ATP9B: variants seen among roughly 807,000 people sequenced by gnomAD.
The protein encoded by ATP9B is probable phospholipid-transporting ATPase IIB.
In ATP9B, 110 loss-of-function variants were observed where a neutral mutation model predicts 146.1. That is an observed-to-expected ratio of 0.75 (90% confidence interval 0.65 to 0.88). The LOEUF (loss-of-function observed/expected upper bound fraction) is 0.88. Ranked by LOEUF, ATP9B falls within the 40% of genes least tolerant of loss-of-function variation. The pLI is 0.00. For synonymous variants in ATP9B, 604 were observed against 569.7 expected, an observed-to-expected ratio of 1.06 and a Z score of -0.86; for missense variants, 1,499 against 1,496.4, an observed-to-expected ratio of 1.00 and a Z score of -0.03.
intron 6 of ATP9B, among the ~76,000 whole-genome samples, chr18:79,149,815 G>T (rs2094654158): frequency 6.6e-6 from 1 of 152,148 alleles, no homozygotes; most frequent in Non-Finnish European, 1.5e-5. Flanking sequence ...AGGCACAGTG[G>T]CTCACACCTG....
intron 26 of ATP9B, among the ~76,000 whole-genome samples, chr18:79,366,289 G>A (rs1223221820): frequency 6.6e-6 from 1 of 152,222 alleles, no homozygotes; most frequent in Non-Finnish European, 1.5e-5. Context: ...CCCGCTGGAC[G>A]GCACCAGCAT....
intron 17 of ATP9B, among the ~76,000 whole-genome samples, chr18:79,333,953 G>T (rs2096805369): frequency 6.6e-6 from 1 of 152,234 alleles, no homozygotes; most frequent in African/African-American, 2.4e-5. Context: ...ACAACATCTG[G>T]ATGGAGAGTC....
chr18:79,277,954 A>G (rs1003769383), intron 13 of ATP9B, among the ~76,000 whole-genome samples: 8 of 152,262 alleles, frequency 5.3e-5, no homozygotes, highest in Non-Finnish European at 8.8e-5. Context: ...AATCCTCACT[A>G]TAGTCAACAA....
intron 5 of ATP9B, among the ~76,000 whole-genome samples, chr18:79,133,281 G>A (rs2094404206): frequency 1.3e-5 from 2 of 152,258 alleles, no homozygotes; most frequent in South Asian, 2.1e-4. Context: ...TTTCATTCAG[G>A]AACATTCAGT....
intron 19 of ATP9B, among the ~76,000 whole-genome samples, chr18:79,337,754 C>T (rs2096835680): frequency 6.6e-6 from 1 of 152,236 alleles, no homozygotes; most frequent in Admixed American, 6.5e-5. Flanking sequence ...CATGCCATTT[C>T]CCAGGGATGG....
intron 15 of ATP9B, among the ~76,000 whole-genome samples, chr18:79,323,680 C>T (rs1195981810): frequency 6.6e-6 from 1 of 152,150 alleles, no homozygotes; most frequent in African/African-American, 2.4e-5. Context: ...ATTGTGTGTA[C>T]ACCACGTTTT....
rs574571857 is a variant in ATP9B at position 79,256,069 on chromosome 18, AT to A, written c.1268+2535del. ...TTCCATGTGTGCTTTAAAAATATAT[AT>A]TTTTTTACATGAAGTTATTCTATAA... On this transcript the variant is annotated intron_variant, in intron 12 of 29. Coordinates refer to ENST00000426216, the MANE Select transcript of ATP9B (RefSeq NM_198531.5). Among the ~76,000 whole-genome samples, 188 of 151,542 alleles carry A rather than the reference AT, an allele frequency of 1.2e-3. 6 individuals are homozygous for A. The South Asian group carries it at 0.038, about 31-fold the overall frequency.
chr18:79,212,575 T>C (rs949612618), intron 10 of ATP9B, among the ~76,000 whole-genome samples: 2 of 152,228 alleles, frequency 1.3e-5, no homozygotes, highest in Non-Finnish European at 2.9e-5. Flanking sequence ...TAGTGGGATG[T>C]TTATATTTTG....
Position 79,154,682 on chromosome 18 carries a change from G to T in ATP9B, c.778+127G>T, listed in dbSNP as rs114455246. On this transcript the variant is annotated intron_variant, in intron 7 of 29. Coordinates refer to ENST00000426216, the MANE Select transcript of ATP9B (RefSeq NM_198531.5). ...ATGCTGCAGCAATGAGGAATATTCT[G>T]TAGAAATGCTATTTTACTTTGAATG... 879 of 532,862 alleles carry T rather than the reference G, an allele frequency of 1.6e-3. 8 individuals carry two copies. Among genetic ancestry groups the T allele is most frequent in the African/African-American group, 0.016 (823 of 50,798 alleles). 33.0% of individuals were successfully genotyped at this position (532,862 alleles called of 1,614,324 possible).
At chr18:79,352,786 A>C (rs1444955168) in intron 25 of ATP9B, 1 of 152,222 alleles carries the variant, frequency 6.6e-6, no homozygotes, top group Admixed American at 6.5e-5. Context: ...ATTGGCACAG[A>C]CTTCCTAAGC....
chr18:79,102,808 T>C (rs1249189563), intron 2 of ATP9B, among the ~76,000 whole-genome samples: 2 of 152,218 alleles, frequency 1.3e-5, no homozygotes, highest in Non-Finnish European at 2.9e-5. Context: ...GATAATTTGA[T>C]CTCTTTCACT....
chr18:79,190,445 T>G (rs1225994726), intron 8 of ATP9B, among the ~76,000 whole-genome samples: 1 of 151,956 alleles, frequency 6.6e-6, no homozygotes, highest in East Asian at 1.9e-4. Flanking sequence ...GCTCAGGAGC[T>G]CAATGTACTT....
chr18:79,295,224 T>C (rs2096539490), intron 13 of ATP9B, among the ~76,000 whole-genome samples: 1 of 152,190 alleles, frequency 6.6e-6, no homozygotes, highest in Non-Finnish European at 1.5e-5. Flanking sequence ...TTTTGACTAT[T>C]AGACACCCAA....
At chr18:79,306,545 G>T (rs2096621404) in intron 14 of ATP9B, among the ~76,000 whole-genome samples, 1 of 152,206 alleles carries the variant, frequency 6.6e-6, no homozygotes, top group South Asian at 2.1e-4. Context: ...GGTATTAAGG[G>T]AAGATTCTTA....
chr18:79,152,934 T>A (rs2094714226), intron 6 of ATP9B, among the ~76,000 whole-genome samples: 1 of 152,224 alleles, frequency 6.6e-6, no homozygotes, highest in South Asian at 2.1e-4. Context: ...TCTTAACTAC[T>A]CTAGTTTAAT....
chr18:79,217,242 T>C (rs2095635937), intron 11 of ATP9B, among the ~76,000 whole-genome samples: 1 of 152,270 alleles, frequency 6.6e-6, no homozygotes, highest in African/African-American at 2.4e-5. Context: ...TGGAGTGCGG[T>C]GGCGCAATCT....
chr18:79,343,284 A>C (rs1483851415), intron 20 of ATP9B, among the ~76,000 whole-genome samples: 1 of 152,220 alleles, frequency 6.6e-6, no homozygotes, highest in East Asian at 1.9e-4. Flanking sequence ...TTTTCACAAT[A>C]AAACCTACCT....
At chr18:79,241,524 C>T (rs1180236289) in intron 11 of ATP9B, among the ~76,000 whole-genome samples, 2 of 152,190 alleles carry the variant, frequency 1.3e-5, no homozygotes, top group Admixed American at 6.5e-5. Flanking sequence ...TACAGAGTCT[C>T]ACTTAGAAAG....
intron 6 of ATP9B, among the ~76,000 whole-genome samples, chr18:79,150,773 T>G (rs1484213281): frequency 6.6e-6 from 1 of 152,092 alleles, no homozygotes; most frequent in Admixed American, 6.6e-5. Flanking sequence ...GAGGATCACA[T>G]AAAACTAGGA....
Sources: gnomAD v4.1 joint callset for allele counts (sites outside exome capture counted in the v4.1 genomes callset) on GRCh38, gnomAD v4.1.1 for gene constraint, MANE v1.5 for transcripts, NCBI Gene and HGNC (gene_info 2026-07-23, HGNC 2026-07-21) for gene names.